The following STK24 variants were observed in gnomAD, a reference collection of about 807,000 sequenced individuals.
STK24 encodes serine/threonine-protein kinase 24.
Under a neutral mutation model 55.6 loss-of-function variants are expected in STK24, and 21 were observed. The ratio of observed to expected loss-of-function variants is 0.38; its 90% confidence interval spans 0.27 to 0.54. The LOEUF (loss-of-function observed/expected upper bound fraction) is 0.54, where lower values mean the gene tolerates loss of function less well. Ranked by LOEUF, STK24 falls within the 20% of genes least tolerant of loss-of-function variation. The probability of loss-of-function intolerance (pLI) is 0.79; values close to 1 mark genes in which losing one functional copy is unlikely to be tolerated. For missense variants in STK24, 383 were observed against 538.4 expected (o/e 0.71, Z 2.86); for synonymous variants, 200 against 215.2 (o/e 0.93, Z 0.62).
At chr13:98,456,735 G>C (rs1175043612) in intron 10 of STK24, 1 of 357,350 alleles carries the variant, frequency 2.8e-6, no homozygotes, top group African/African-American at 2.1e-5. Context: ...CTAACACAGG[G>C]AACACACCTG....
intron 3 of STK24, among the ~76,000 whole-genome samples, chr13:98,477,854 C>CGCTAA (rs1894436454): frequency 6.6e-6 from 1 of 152,060 alleles, no homozygotes; most frequent in Non-Finnish European, 1.5e-5. Flanking sequence ...TCCCAAAGGG[C>CGCTAA]GCTAAGAGGA....
chr13:98,525,698 G>A (rs1728210637), intron 1 of STK24, among the ~76,000 whole-genome samples: 1 of 152,192 alleles, frequency 6.6e-6, no homozygotes, highest in South Asian at 2.1e-4. Flanking sequence ...CGAGCCTCGA[G>A]CCCCACAAGC....
intron 2 of STK24, among the ~76,000 whole-genome samples, chr13:98,517,144 A>G (rs1376067386): frequency 6.6e-6 from 1 of 152,228 alleles, no homozygotes; most frequent in Non-Finnish European, 1.5e-5. Flanking sequence ...ATTTGTCAGG[A>G]TCCTCCACAC....
At chr13:98,512,375 TAGAAC>T (rs1479879602) in intron 2 of STK24, among the ~76,000 whole-genome samples, 1 of 151,892 alleles carries the variant, frequency 6.6e-6, no homozygotes, top group African/African-American at 2.4e-5. Context: ...GGTCCATAAA[TAGAAC>T]AGAGAGAAAG....
At chr13:98,469,109 G>A (rs750528825) in intron 5 of STK24, among the ~76,000 whole-genome samples, 10 of 152,214 alleles carry the variant, frequency 6.6e-5, no homozygotes, top group Non-Finnish European at 1.0e-4. Flanking sequence ...GCAGGCGGCC[G>A]AACGCCTGCT....
chr13:98,462,237 C>G (rs1352137438), intron 7 of STK24, among the ~76,000 whole-genome samples: 1 of 152,188 alleles, frequency 6.6e-6, no homozygotes, highest in Non-Finnish European at 1.5e-5. Context: ...CTCCTCTCAC[C>G]AGGGAAGCAG....
rs925906495 is a variant in STK24, at chr13:98,576,297, G to A, written c.42+448C>T. ...CCCTGCCCAGGTCTCCCGCCCGCCT[G>A]CCCGGGGGTGGGGGACGAGCCTGGG... On this transcript the variant is annotated intron_variant, in intron 1 of 10. Transcript: ENST00000539966. 106 of 885,462 alleles carry A rather than the reference G, an allele frequency of 1.2e-4. No individual in the cohort carries two copies. The African/African-American group carries it at 1.7e-3, about 15-fold the overall frequency. The allele number at this position is 885,462 out of a possible 1,614,324, so 54.9% of individuals were successfully genotyped here. A position where few individuals can be genotyped will look rare whatever the true frequency, so the allele number is the denominator to read the frequency against.
chr13:98,476,316 A>G (rs530852876), intron 3 of STK24, among the ~76,000 whole-genome samples: 8 of 146,574 alleles, frequency 5.5e-5, no homozygotes, highest in African/African-American at 2.0e-4. Context: ...CAAAGCCACC[A>G]GTGCTCCCCG....
chr13:98,484,978 T>G (rs1894750960), intron 2 of STK24, among the ~76,000 whole-genome samples: 1 of 152,160 alleles, frequency 6.6e-6, no homozygotes, highest in Non-Finnish European at 1.5e-5. Context: ...AAGTCCTTAT[T>G]GAGGTCACTG....
At chr13:98,546,423 T>C (rs534722291) in intron 1 of STK24, among the ~76,000 whole-genome samples, 1 of 150,364 alleles carries the variant, frequency 6.7e-6, no homozygotes, top group Non-Finnish European at 1.5e-5. Flanking sequence ...AATTTTGCTT[T>C]AAAAAAAAAA....
intron 3 of STK24, among the ~76,000 whole-genome samples, chr13:98,478,956 C>G (rs1292616511): frequency 6.6e-6 from 1 of 152,202 alleles, no homozygotes; most frequent in Non-Finnish European, 1.5e-5. Context: ...TGACAGACCT[C>G]CCCACCAGAA....
rs533612483 is a variant in STK24 at position 98,513,432 on chromosome 13, C to T, written c.273+5811G>A. 2.0e-5 allele frequency among the ~76,000 whole-genome samples: 3 copies of T among 152,316 alleles called. No individual in the cohort carries two copies. In the East Asian group the frequency reaches 5.8e-4, roughly 29 times the overall value. ...CATCCTGTGGACGTGATAAGCATCC[C>T]TGGCCTCCACCCACACCCCCAAGTA... On this transcript the variant is annotated intron_variant, in intron 2 of 10. Coordinates refer to ENST00000539966, the MANE Select transcript of STK24 (RefSeq NM_001032296.4).
At chr13:98,491,779 A>C (rs1446388754) in intron 2 of STK24, among the ~76,000 whole-genome samples, 6 of 152,222 alleles carry the variant, frequency 3.9e-5, no homozygotes, top group Non-Finnish European at 8.8e-5. Context: ...ATAAATAATC[A>C]AAAATATTGG....
intron 1 of STK24, among the ~76,000 whole-genome samples, chr13:98,562,176 G>A (rs138552367): frequency 1.5e-4 from 23 of 152,080 alleles, no homozygotes; most frequent in African/African-American, 5.6e-4. Context: ...ATGTGTGTAC[G>A]CAGACAACTG....
intron 2 of STK24, among the ~76,000 whole-genome samples, chr13:98,499,228 ACT>A (rs1313797368): frequency 1.4e-5 from 2 of 144,030 alleles, no homozygotes; most frequent in African/African-American, 2.5e-5. Flanking sequence ...ACAAAGCAAG[ACT>A]CTATCTCAAA....
At chr13:98,477,435 G>C (rs1173585325) in intron 3 of STK24, among the ~76,000 whole-genome samples, 1 of 152,138 alleles carries the variant, frequency 6.6e-6, no homozygotes, top group African/African-American at 2.4e-5. Flanking sequence ...ACTTTGGGAG[G>C]CCGAGGCGGG....
In STK24 at chr13:98,524,363, T is replaced by G. The variant is rs1453044221; in HGVS notation, c.43-4890A>C. On this transcript the variant is annotated intron_variant, in intron 1 of 10. Coordinates refer to ENST00000539966, the MANE Select transcript of STK24 (RefSeq NM_001032296.4). ...TCAAGGGACCCCGCAGTGTTCGCTC[T>G]GCCTCCTGGAAGGCCTCCATCAGCA... Among the ~76,000 whole-genome samples the G allele has an allele frequency of 5.3e-5, 8 of 152,318 alleles. No individual in the cohort carries two copies. The Middle Eastern group carries it at 0.01, about 194-fold the overall frequency.
chr13:98,559,041 T>C (rs1897348743), intron 1 of STK24, among the ~76,000 whole-genome samples: 1 of 137,090 alleles, frequency 7.3e-6, no homozygotes, highest in African/African-American at 2.8e-5. Context: ...AATACAAAAT[T>C]AGCCAGGCAT....
intron 1 of STK24, chr13:98,576,120 G>T (rs1213852508): frequency 9.5e-5 from 94 of 984,998 alleles, no homozygotes; most frequent in Middle Eastern, 5.2e-4. Context: ...CCTCCTTCCA[G>T]AAGGTTTGCA....
Sources: gnomAD v4.1 joint callset for allele counts (sites outside exome capture counted in the v4.1 genomes callset) on GRCh38, gnomAD v4.1.1 for gene constraint, MANE v1.5 for transcripts, NCBI Gene and HGNC (gene_info 2026-07-23, HGNC 2026-07-21) for gene names.